ARK2C: variants seen among roughly 807,000 people sequenced by gnomAD.
ARK2C encodes arkadia (RNF111) C-terminal like ring finger ubiquitin ligase 2C.
At chr18:46,423,845 C>G in the ARK2C span, among the ~76,000 whole-genome samples, 3 of 152,342 alleles carry the variant, frequency 2.0e-5, no homozygotes, top group Non-Finnish European at 2.9e-5. Context: ...TAGCTAATAA[C>G]TTCATCCTTA....
chr18:46,351,942 C>G, the ARK2C span, among the ~76,000 whole-genome samples: 9 of 152,214 alleles, frequency 5.9e-5, no homozygotes, highest in Non-Finnish European at 1.0e-4. Flanking sequence ...CACCGTGCAT[C>G]TACGCAGTTT....
the ARK2C span, among the ~76,000 whole-genome samples, chr18:46,405,009 G>T: frequency 3.3e-5 from 5 of 152,112 alleles, no homozygotes; most frequent in African/African-American, 1.2e-4. Context: ...CTGGACCACA[G>T]AGCTTAGCTT....
At chr18:46,450,848 G>A in the ARK2C span, 3 of 1,401,988 alleles carry the variant, frequency 2.1e-6, no homozygotes, top group African/African-American at 1.4e-5. Flanking sequence ...TGGGGCAGGG[G>A]GGTTGTCTAA....
the ARK2C span, among the ~76,000 whole-genome samples, chr18:46,342,002 G>A: frequency 6.6e-6 from 1 of 152,242 alleles, no homozygotes. Flanking sequence ...AGGGCAGGGA[G>A]TAGGGACTGA....
the ARK2C span, among the ~76,000 whole-genome samples, chr18:46,387,625 T>A: frequency 1.3e-5 from 2 of 152,206 alleles, no homozygotes; most frequent in Non-Finnish European, 2.9e-5. Context: ...TTGGAAGAAG[T>A]CCAGAGCTGG....
chr18:46,421,864 TAG>T, the ARK2C span, among the ~76,000 whole-genome samples: 1 of 152,144 alleles, frequency 6.6e-6, no homozygotes. Context: ...AGCTTTTCAT[TAG>T]AGATCAAAGC....
the ARK2C span, among the ~76,000 whole-genome samples, chr18:46,406,565 A>G: frequency 6.6e-6 from 1 of 152,204 alleles, no homozygotes; most frequent in African/African-American, 2.4e-5. Flanking sequence ...AGGCTCAGAG[A>G]GGTCCTGGCT....
the ARK2C span, among the ~76,000 whole-genome samples, chr18:46,361,650 A>C: frequency 6.6e-6 from 1 of 152,214 alleles, no homozygotes; most frequent in East Asian, 1.9e-4. Flanking sequence ...TGATTATGGC[A>C]GGAGCATGAA....
At chr18:46,354,986 G>A in the ARK2C span, among the ~76,000 whole-genome samples, 1 of 152,104 alleles carries the variant, frequency 6.6e-6, no homozygotes, top group Non-Finnish European at 1.5e-5. Context: ...GTCTCACTCT[G>A]TCACCCAGGC....
At chr18:46,371,063 G>A in the ARK2C span, among the ~76,000 whole-genome samples, 3 of 152,152 alleles carry the variant, frequency 2.0e-5, no homozygotes, top group South Asian at 6.2e-4. Flanking sequence ...CAAAGGAGGA[G>A]CAAAGGCACG....
chr18:46,402,509 A>ATG, the ARK2C span, among the ~76,000 whole-genome samples: 1 of 151,980 alleles, frequency 6.6e-6, no homozygotes, highest in African/African-American at 2.4e-5. Flanking sequence ...GGCTTTCTAC[A>ATG]TGTGTGTGTT....
At chr18:46,363,048 A>G in the ARK2C span, among the ~76,000 whole-genome samples, 1 of 152,202 alleles carries the variant, frequency 6.6e-6, no homozygotes, top group African/African-American at 2.4e-5. Context: ...GGAAGCTCTC[A>G]ATGGCATGAG....
At chr18:46,375,250 T>C in the ARK2C span, among the ~76,000 whole-genome samples, 1 of 152,068 alleles carries the variant, frequency 6.6e-6, no homozygotes, top group South Asian at 2.1e-4. Flanking sequence ...TCCTTTCCCT[T>C]TCATCAAAAA....
chr18:46,397,996 G>GTGTGTGCA, the ARK2C span, among the ~76,000 whole-genome samples: 1 of 147,750 alleles, frequency 6.8e-6, no homozygotes, highest in Non-Finnish European at 1.5e-5. Flanking sequence ...GTGTGAGGGT[G>GTGTGTGCA]TGTGTGCATG....
At chr18:46,454,658 G>T in the ARK2C span, among the ~76,000 whole-genome samples, 1 of 152,184 alleles carries the variant, frequency 6.6e-6, no homozygotes, top group African/African-American at 2.4e-5. Context: ...CTTGGCATCC[G>T]GGCCTTGCCC....
At chr18:46,343,032 A>G in the ARK2C span, among the ~76,000 whole-genome samples, 1 of 152,224 alleles carries the variant, frequency 6.6e-6, no homozygotes, top group Non-Finnish European at 1.5e-5. Flanking sequence ...ATGGCTACAT[A>G]ATATTCCACT....
chr18:46,425,118 C>G, the ARK2C span, among the ~76,000 whole-genome samples: 8 of 152,190 alleles, frequency 5.3e-5, 1 homozygote, highest in South Asian at 1.0e-3. Flanking sequence ...CCTGTTCTGC[C>G]CCAACACTGG....
At chr18:46,435,420 G>A in the ARK2C span, 57 of 1,497,092 alleles carry the variant, frequency 3.8e-5, 1 homozygote, top group East Asian at 5.4e-4. Flanking sequence ...GCCCCTGGGG[G>A]AGGAAGGGAG....
At chr18:46,398,862 C>G in the ARK2C span, among the ~76,000 whole-genome samples, 1 of 151,838 alleles carries the variant, frequency 6.6e-6, no homozygotes, top group Non-Finnish European at 1.5e-5. Context: ...GTCATTATCT[C>G]AAATGAGACA....
Sources: allele counts gnomAD v4.1 joint callset (sites outside exome capture counted in the v4.1 genomes callset), GRCh38; gene constraint gnomAD v4.1.1; transcripts MANE v1.5; gene names NCBI Gene and HGNC (gene_info 2026-07-23, HGNC 2026-07-21).